Variants in CNKSR3 observed in about 807,000 individuals in gnomAD.
CNKSR3 encodes the protein CNKSR family member 3, also known as connector enhancer of kinase suppressor of ras 3.
Under a neutral mutation model 67.7 loss-of-function variants are expected in CNKSR3, and 36 were observed. The observed-to-expected ratio is 0.53, with a 90% CI of 0.41 to 0.70. CNKSR3 has a LOEUF of 0.70. CNKSR3 is among the 30% of genes least tolerant of loss of function. The probability of loss-of-function intolerance (pLI) is 0.00; values close to 1 mark genes in which losing one functional copy is unlikely to be tolerated. For missense variants in CNKSR3, 630 were observed against 695.2 expected (o/e 0.91, Z 1.05); for synonymous variants, 281 against 271.4 (o/e 1.04, Z -0.35).
intron 1 of CNKSR3, among the ~76,000 whole-genome samples, chr6:154,486,244 C>G (rs1398705920): frequency 3.3e-5 from 5 of 151,914 alleles, no homozygotes; most frequent in African/African-American, 7.3e-5. Flanking sequence ...CACCCCTCGA[C>G]AGCATGACAT....
chr6:154,426,905 T>TATCACGGCTGAGCTGCA (rs1785267613), intron 7 of CNKSR3, among the ~76,000 whole-genome samples: 1 of 152,216 alleles, frequency 6.6e-6, no homozygotes. Context: ...ACTGTGTTCT[T>TATCACGGCTGAGCTGCA]ATCACGGCTG....
At chr6:154,444,257 T>G (rs577354990) in intron 2 of CNKSR3, among the ~76,000 whole-genome samples, 24 of 152,232 alleles carry the variant, frequency 1.6e-4, no homozygotes, top group Non-Finnish European at 2.9e-4. Context: ...ACATGTATTA[T>G]CTCAGGAAAA....
At chr6:154,409,824 A>G (rs575724176) in intron 12 of CNKSR3, among the ~76,000 whole-genome samples, 2 of 151,632 alleles carry the variant, frequency 1.3e-5, no homozygotes, top group Non-Finnish European at 1.5e-5. Context: ...CAGGAAGACC[A>G]CTTACAGCTA....
chr6:154,414,611 G>C (rs957828942), intron 9 of CNKSR3, 188 bp from the exon 10 acceptor site: 1 of 688,780 alleles, frequency 1.5e-6, no homozygotes, highest in African/African-American at 1.8e-5. Context: ...AATGAGCTGA[G>C]GGATTTGAAT....
chr6:154,462,039 C>T (rs774232206), intron 1 of CNKSR3, among the ~76,000 whole-genome samples: 12 of 152,218 alleles, frequency 7.9e-5, no homozygotes, highest in Non-Finnish European at 1.6e-4. Context: ...TGCCAGGCAG[C>T]ATTAAAGTCT....
chr6:154,491,656 C>T (rs72999368), intron 1 of CNKSR3, among the ~76,000 whole-genome samples: 7,412 of 151,716 alleles, frequency 0.049, 184 homozygotes, highest in Non-Finnish European at 0.055. Context: ...ATTTCCTGAT[C>T]TTCATTTCCA....
chr6:154,495,542 A>ATTTTTTTTTAACATT (rs1217631221), intron 1 of CNKSR3, among the ~76,000 whole-genome samples: 3 of 138,920 alleles, frequency 2.2e-5, no homozygotes, highest in Admixed American at 7.2e-5. Context: ...TCATTTTAAC[A>ATTTTTTTTTAACATT]TTTTTTTTTT....
chr6:154,420,546 G>A (rs577172354), intron 9 of CNKSR3, among the ~76,000 whole-genome samples: 384 of 151,296 alleles, frequency 2.5e-3, no homozygotes, highest in Non-Finnish European at 4.3e-3. Context: ...AAAATTAGCC[G>A]GGCGTAGTGG....
intron 12 of CNKSR3, among the ~76,000 whole-genome samples, chr6:154,408,150 G>A (rs370695657): frequency 4.6e-5 from 7 of 152,002 alleles, no homozygotes; most frequent in Non-Finnish European, 7.4e-5. Context: ...TCAGCCTCCC[G>A]AATAGCTGAG....
chr6:154,449,074 C>T (rs1252951932), intron 2 of CNKSR3, among the ~76,000 whole-genome samples: 1 of 152,172 alleles, frequency 6.6e-6, no homozygotes, highest in African/African-American at 2.4e-5. Flanking sequence ...TGGCCCACAC[C>T]TAACGAAGCT....
Position 154,510,048 on chromosome 6 carries a change from C to A in CNKSR3, c.52+15G>T, listed in dbSNP as rs375627033. 8.7e-6 allele frequency: 14 copies of A among 1,614,028 alleles called. No homozygotes were observed. The highest frequency in any genetic ancestry group is 1.2e-5 in the Non-Finnish European group (14 of 1,179,950). ...CGAGGCTGGAGGACTCCGGACCCCC[C>A]CAAGGCCCGCGCACCTCTAGTCCAG... On this transcript the variant is annotated intron_variant, in intron 1 of 12. Transcript: ENST00000607772.
At chr6:154,426,320 G>A (rs1449800486) in intron 7 of CNKSR3, among the ~76,000 whole-genome samples, 2 of 151,340 alleles carry the variant, frequency 1.3e-5, no homozygotes, top group Non-Finnish European at 2.9e-5. Flanking sequence ...TTCAAAAGCA[G>A]CTTTGTTTAG....
intron 1 of CNKSR3, among the ~76,000 whole-genome samples, chr6:154,503,642 A>T (rs1453335526): frequency 5.4e-5 from 3 of 55,264 alleles, no homozygotes; most frequent in African/African-American, 2.1e-4. Flanking sequence ...CTCTTATTTA[A>T]AAAAAAAAAA....
Position 154,510,103 on chromosome 6 carries a change from C to T in CNKSR3, c.12G>A (p.Val4=). Residue 4 remains valine, a synonymous_variant, in exon 1 of 13, where the codon GTG becomes GTA. Transcript: ENST00000607772. ...CCACTTGTTTGGGGCTCCACTTGGTCACGGGTTCCATGGTAAACCGCTTCG... is the reference window on the plus strand; with the variant it reads ...CCACTTGTTTGGGGCTCCACTTGGTTACGGGTTCCATGGTAAACCGCTTCG... The part of the protein sequence containing the change: MEP[V]TKWSPKQVVD... 6.2e-7 allele frequency: 1 copy of T among 1,614,146 alleles called. No homozygotes were observed. The highest frequency in any genetic ancestry group is 8.5e-7 in the Non-Finnish European group (1 of 1,180,004).
At chr6:154,414,569 T>C in intron 9 of CNKSR3, 146 bp from the exon 10 acceptor site, 1 of 816,972 alleles carries the variant, frequency 1.2e-6, no homozygotes, top group Non-Finnish European at 2.1e-6. Context: ...ATATTGGCAA[T>C]ATTTAACTTA....
chr6:154,423,080 A>G, intron 7 of CNKSR3, 97 bp from the exon 8 acceptor site: 1 of 799,192 alleles, frequency 1.3e-6, no homozygotes, highest in Non-Finnish European at 2.0e-6. Context: ...TAGCAACTGA[A>G]ATAACATTTT....
chr6:154,466,303 A>C (rs1786197146), intron 1 of CNKSR3, among the ~76,000 whole-genome samples: 1 of 152,184 alleles, frequency 6.6e-6, no homozygotes, highest in Non-Finnish European at 1.5e-5. Flanking sequence ...ATACCTGTCT[A>C]GTGGCTTGTA....
rs1172227694 is a variant in CNKSR3 at position 154,389,712 on chromosome 6, A to C, written c.*16642T>G. ...GAATTCAATAAAGTTGCATAATACA[A>C]AATCAACATACAAAAATCAGTTGCG... On this transcript the variant is annotated 3_prime_UTR_variant, in exon 13 of 13. Coordinates refer to ENST00000607772, the MANE Select transcript of CNKSR3 (RefSeq NM_173515.4). The C allele has an allele frequency of 6.6e-6, 1 of 152,230 alleles. No homozygotes were observed. Among genetic ancestry groups the C allele is most frequent in the Non-Finnish European group, 1.5e-5 (1 of 68,026 alleles). 9.4% of individuals were successfully genotyped at this position (152,230 alleles called of 1,614,324 possible). A position where few individuals can be genotyped will look rare whatever the true frequency, so the allele number is the denominator to read the frequency against.
intron 2 of CNKSR3, among the ~76,000 whole-genome samples, chr6:154,448,139 T>C (rs2128718724): frequency 6.6e-6 from 1 of 152,230 alleles, no homozygotes; most frequent in African/African-American, 2.4e-5. Context: ...AGCTTTAGGT[T>C]CTGGCATTTG....
Sources: allele counts gnomAD v4.1 joint callset (sites outside exome capture counted in the v4.1 genomes callset), GRCh38; gene constraint gnomAD v4.1.1; transcripts MANE v1.5; gene names NCBI Gene and HGNC (gene_info 2026-07-23, HGNC 2026-07-21).